Variants in FSTL4 observed in about 807,000 individuals in gnomAD.
FSTL4 encodes follistatin like 4, also known as follistatin-related protein 4.
In FSTL4, 28 loss-of-function variants were observed where a neutral mutation model predicts 78.2. The ratio of observed to expected loss-of-function variants is 0.36; its 90% confidence interval spans 0.27 to 0.49. The LOEUF is 0.49. FSTL4 is among the 20% of genes least tolerant of loss of function. The pLI, the probability that FSTL4 is intolerant of heterozygous loss-of-function variation, is 0.98. For synonymous variants in FSTL4, 422 were observed against 440.5 expected (o/e 0.96, Z 0.53); for missense variants, 922 against 1,084.9 (o/e 0.85, Z 2.11).
chr5:133,389,103 C>T (rs1048081913), intron 4 of FSTL4, among the ~76,000 whole-genome samples: 17 of 152,170 alleles, frequency 1.1e-4, no homozygotes, highest in Admixed American at 1.0e-3. Context: ...TGTTTTCTTG[C>T]ATTGGGAGTA....
the FSTL4 span, among the ~76,000 whole-genome samples, chr5:133,734,127 C>T: frequency 1.3e-5 from 2 of 152,218 alleles, no homozygotes; most frequent in East Asian, 1.9e-4. Flanking sequence ...ATCCAGCCCA[C>T]ATTCAAGGGG....
At chr5:133,730,186 G>A in the FSTL4 span, among the ~76,000 whole-genome samples, 1 of 152,188 alleles carries the variant, frequency 6.6e-6, no homozygotes, top group African/African-American at 2.4e-5. Flanking sequence ...AAAGTCATGT[G>A]GGAAGATATA....
the FSTL4 span, among the ~76,000 whole-genome samples, chr5:133,746,371 T>G: frequency 7.2e-5 from 11 of 152,280 alleles, no homozygotes; most frequent in South Asian, 2.3e-3. Context: ...TTCTCTCAGA[T>G]GGGCATGAGC....
At chr5:133,298,722 G>A (rs1166759697) in intron 6 of FSTL4, among the ~76,000 whole-genome samples, 1 of 152,222 alleles carries the variant, frequency 6.6e-6, no homozygotes, top group Non-Finnish European at 1.5e-5. Flanking sequence ...ACCTGCGGGG[G>A]TGTCTCAGTT....
the FSTL4 span, among the ~76,000 whole-genome samples, chr5:133,780,214 C>T: frequency 1.1e-4 from 17 of 152,186 alleles, no homozygotes; most frequent in East Asian, 1.9e-4. Flanking sequence ...GCCAAAGAGC[C>T]GCAGATGTGG....
the FSTL4 span, among the ~76,000 whole-genome samples, chr5:133,800,011 G>A: frequency 3.6e-5 from 5 of 139,226 alleles, no homozygotes; most frequent in African/African-American, 7.9e-5. Flanking sequence ...GGACCTGCAC[G>A]AAACATCAGC....
At chr5:133,709,518 A>G in the FSTL4 span, among the ~76,000 whole-genome samples, 2 of 152,232 alleles carry the variant, frequency 1.3e-5, no homozygotes, top group African/African-American at 4.8e-5. Context: ...TATTTTCCCT[A>G]ATGAAAAACA....
At chr5:133,589,895 A>G (rs572323625) in intron 2 of FSTL4, among the ~76,000 whole-genome samples, 49 of 152,322 alleles carry the variant, frequency 3.2e-4, no homozygotes, top group Middle Eastern at 3.4e-3. Flanking sequence ...CAAACAGCTC[A>G]CTTATCTTGA....
intron 6 of FSTL4, among the ~76,000 whole-genome samples, chr5:133,283,827 C>T (rs967705548): frequency 1.1e-4 from 16 of 152,168 alleles, no homozygotes; most frequent in African/African-American, 3.6e-4. Context: ...ATTCACAGTT[C>T]CTCAGGCTGT....
chr5:133,657,648 G>A, the FSTL4 span, among the ~76,000 whole-genome samples: 3 of 151,530 alleles, frequency 2.0e-5, no homozygotes, highest in African/African-American at 4.9e-5. Context: ...AAAATATGTA[G>A]TGTTGTTTTA....
At chr5:133,401,032 G>T in intron 3 of FSTL4, 46 bp from the exon 4 acceptor site, 1 of 1,601,578 alleles carries the variant, frequency 6.2e-7, no homozygotes, top group South Asian at 1.1e-5. Context: ...ACACTCAGAG[G>T]GTCTGGGGTC....
intron 3 of FSTL4, among the ~76,000 whole-genome samples, chr5:133,486,251 G>GA: frequency 6.6e-6 from 1 of 152,064 alleles, no homozygotes; most frequent in Middle Eastern, 3.4e-3. Context: ...TAAAGAGGAG[G>GA]ACAGGGTACG....
At chr5:133,268,347 A>G (rs1752690554) in intron 6 of FSTL4, among the ~76,000 whole-genome samples, 3 of 152,056 alleles carry the variant, frequency 2.0e-5, no homozygotes, top group Non-Finnish European at 4.4e-5. Context: ...CATGATGGAG[A>G]ATTCTATGCT....
chr5:133,214,093 T>C (rs1240775039), intron 13 of FSTL4, among the ~76,000 whole-genome samples: 3 of 152,190 alleles, frequency 2.0e-5, no homozygotes, highest in Non-Finnish European at 4.4e-5. Flanking sequence ...TGGAAGATGT[T>C]AACACACCTC....
At chr5:133,782,903 T>C in the FSTL4 span, among the ~76,000 whole-genome samples, 2 of 152,172 alleles carry the variant, frequency 1.3e-5, no homozygotes, top group African/African-American at 4.8e-5. Flanking sequence ...CGCTGCTCTA[T>C]GGGAGGGAGG....
chr5:133,283,879 T>G (rs900341199), intron 6 of FSTL4, among the ~76,000 whole-genome samples: 1 of 152,136 alleles, frequency 6.6e-6, no homozygotes, highest in African/African-American at 2.4e-5. Context: ...CTTACAATCA[T>G]GGCAGAAGGC....
At chr5:133,436,367 T>C (rs901801507) in intron 3 of FSTL4, among the ~76,000 whole-genome samples, 4 of 152,066 alleles carry the variant, frequency 2.6e-5, no homozygotes, top group African/African-American at 9.7e-5. Context: ...GTGCTCCAGA[T>C]GGAGGATGAC....
At chr5:133,546,290 T>C (rs944464062) in intron 3 of FSTL4, among the ~76,000 whole-genome samples, 1 of 152,162 alleles carries the variant, frequency 6.6e-6, no homozygotes, top group Non-Finnish European at 1.5e-5. Context: ...GTGGATTACC[T>C]CAGGTCAGGA....
At chr5:133,696,004 A>G in the FSTL4 span, among the ~76,000 whole-genome samples, 2 of 152,246 alleles carry the variant, frequency 1.3e-5, no homozygotes. Context: ...CCAGCACTCC[A>G]TCTCCATTTA....
Sources: allele counts gnomAD v4.1 joint callset (sites outside exome capture counted in the v4.1 genomes callset), GRCh38; gene constraint gnomAD v4.1.1; transcripts MANE v1.5; gene names NCBI Gene and HGNC (gene_info 2026-07-23, HGNC 2026-07-21).